NKAIN2: variants seen among roughly 807,000 people sequenced by gnomAD.
The protein encoded by NKAIN2 is sodium/potassium-transporting ATPase subunit beta-1-interacting protein 2.
In NKAIN2, 14 loss-of-function variants were observed where a neutral mutation model predicts 32.6. That is an observed-to-expected ratio of 0.43 (90% CI 0.28 to 0.67). The LOEUF (loss-of-function observed/expected upper bound fraction) is 0.67, where lower values mean the gene tolerates loss of function less well. NKAIN2 is among the 30% of genes least tolerant of loss of function. NKAIN2 has a pLI of 0.17. For synonymous variants in NKAIN2, 80 were observed against 87.2 expected, an observed-to-expected ratio of 0.92 and a Z score of 0.46; for missense variants, 198 against 258.3, an observed-to-expected ratio of 0.77 and a Z score of 1.60.
At chr6:123,908,133 C>A (rs999888649) in intron 1 of NKAIN2, among the ~76,000 whole-genome samples, 34 of 152,218 alleles carry the variant, frequency 2.2e-4, no homozygotes, top group African/African-American at 7.9e-4. Flanking sequence ...CAGGTAATTG[C>A]AACTTCATAA....
intron 1 of NKAIN2, among the ~76,000 whole-genome samples, chr6:123,899,761 T>C (rs1478130127): frequency 2.0e-5 from 3 of 152,200 alleles, no homozygotes; most frequent in Non-Finnish European, 4.4e-5. Flanking sequence ...TTGTGACTTG[T>C]GTGTCTTTAC....
At chr6:124,814,391 A>G (rs930259434) in intron 5 of NKAIN2, among the ~76,000 whole-genome samples, 3 of 152,168 alleles carry the variant, frequency 2.0e-5, no homozygotes, top group Non-Finnish European at 2.9e-5. Context: ...ATGCCCCCTC[A>G]TGAGTGAAAT....
chr6:124,560,843 G>C (rs1461267878), intron 3 of NKAIN2, among the ~76,000 whole-genome samples: 1 of 152,140 alleles, frequency 6.6e-6, no homozygotes, highest in Non-Finnish European at 1.5e-5. Context: ...AAATGACCAA[G>C]AGTGAGTTTA....
At chr6:124,475,440 A>G (rs1406251511) in intron 3 of NKAIN2, among the ~76,000 whole-genome samples, 1 of 152,172 alleles carries the variant, frequency 6.6e-6, no homozygotes, top group Non-Finnish European at 1.5e-5. Flanking sequence ...AAACCCAAAG[A>G]TGGAAAATGT....
rs554163963 is a variant in NKAIN2 at position 123,874,760 on chromosome 6, A to G, written c.54+70506A>G. 5.3e-5 allele frequency among the ~76,000 whole-genome samples: 8 copies of G among 152,170 alleles called. No individual in the cohort carries two copies. The East Asian group carries it at 1.5e-3, about 29-fold the overall frequency. ...TTCTTCTGATTATAAAAATATGTCT[A>G]TTGTAGAAAATTGAAAAAATTATAA... On this transcript the variant is annotated intron_variant, in intron 1 of 6. Transcript: ENST00000368417.
chr6:124,596,960 G>A (rs1171136452), intron 3 of NKAIN2, among the ~76,000 whole-genome samples: 3 of 152,076 alleles, frequency 2.0e-5, no homozygotes, highest in South Asian at 2.1e-4. Context: ...GGAGAAGACC[G>A]ATGTCCCAAC....
intron 4 of NKAIN2, among the ~76,000 whole-genome samples, chr6:124,667,327 G>T (rs1489365311): frequency 1.3e-5 from 2 of 151,654 alleles, no homozygotes; most frequent in Non-Finnish European, 3.0e-5. Flanking sequence ...AGATTTAAAA[G>T]TTGAAATTGT....
In NKAIN2 at chr6:124,771,660, C is replaced by T. The variant is rs147287570; in HGVS notation, c.475-19679C>T. Reference sequence around the variant, plus strand: ...GTATTAACAGAGATTAAATAAATGGCAGAATTATGAGTTATTTCTCTTTTT... The same window carrying T: ...GTATTAACAGAGATTAAATAAATGGTAGAATTATGAGTTATTTCTCTTTTT... On this transcript the variant is annotated intron_variant, in intron 4 of 6. Coordinates refer to ENST00000368417, the MANE Select transcript of NKAIN2 (RefSeq NM_001040214.3). Among the ~76,000 whole-genome samples, 21 of 152,246 alleles carry T rather than the reference C, an allele frequency of 1.4e-4. No homozygotes were observed. In the East Asian group the frequency reaches 3.7e-3, roughly 27 times the overall value.
chr6:124,379,031 G>A (rs1800110475), intron 3 of NKAIN2, among the ~76,000 whole-genome samples: 1 of 147,150 alleles, frequency 6.8e-6, no homozygotes, highest in African/African-American at 2.5e-5. Flanking sequence ...GTTTGAGGTT[G>A]CAGTGAGCCA....
chr6:124,446,067 T>C (rs1775879971), intron 3 of NKAIN2, among the ~76,000 whole-genome samples: 1 of 152,264 alleles, frequency 6.6e-6, no homozygotes, highest in Middle Eastern at 3.4e-3. Flanking sequence ...ACATTGGTCT[T>C]GTTGGCTGTC....
chr6:123,988,725 G>GA (rs1447053365), intron 1 of NKAIN2, among the ~76,000 whole-genome samples: 1 of 152,180 alleles, frequency 6.6e-6, no homozygotes, highest in Non-Finnish European at 1.5e-5. Context: ...ATAAATGGAT[G>GA]AATTCTTGGT....
chr6:124,620,670 G>A lies in NKAIN2; in HGVS notation c.274-37516G>A, dbSNP rs141995178. ...TTAGGGTTTAAAGATTACACTGTCC[G>A]TTGGCCTGTCTCATATGGAACACTA... On this transcript the variant is annotated intron_variant, in intron 3 of 6. Transcript: ENST00000368417. 3.8e-3 allele frequency among the ~76,000 whole-genome samples: 579 copies of A among 152,272 alleles called. 4 individuals carry two copies. The highest frequency in any genetic ancestry group is 0.013 in the African/African-American group (553 of 41,546).
intron 1 of NKAIN2, among the ~76,000 whole-genome samples, chr6:124,142,670 G>T (rs564363931): frequency 6.6e-6 from 1 of 151,932 alleles, no homozygotes; most frequent in Non-Finnish European, 1.5e-5. Flanking sequence ...TAGATTTTAC[G>T]GTCCATATTT....
chr6:124,595,811 G>T (rs1393394529), intron 3 of NKAIN2, among the ~76,000 whole-genome samples: 7 of 152,152 alleles, frequency 4.6e-5, no homozygotes, highest in Non-Finnish European at 2.9e-5. Context: ...CATACTTTAA[G>T]AATGAAGATG....
At chr6:124,334,711 G>C (rs933596674) in intron 2 of NKAIN2, among the ~76,000 whole-genome samples, 5 of 137,056 alleles carry the variant, frequency 3.6e-5, no homozygotes, top group South Asian at 5.0e-4. Flanking sequence ...GTGATCTTGC[G>C]GCATCTAGCT....
chr6:124,160,395 T>G (rs115284465), intron 1 of NKAIN2, among the ~76,000 whole-genome samples: 508 of 152,270 alleles, frequency 3.3e-3, no homozygotes, highest in African/African-American at 0.011. Flanking sequence ...GTATTCAGGT[T>G]TTCCTTGAAA....
chr6:124,671,603 G>C (rs1773102312), intron 4 of NKAIN2, among the ~76,000 whole-genome samples: 1 of 151,926 alleles, frequency 6.6e-6, no homozygotes. Flanking sequence ...TGAACCTTCA[G>C]CTCTTATTCT....
chr6:124,388,076 T>C (rs1772987140), intron 3 of NKAIN2, among the ~76,000 whole-genome samples: 2 of 152,026 alleles, frequency 1.3e-5, no homozygotes, highest in African/African-American at 4.8e-5. Flanking sequence ...AACACAAAAT[T>C]ATCTAGCCCG....
At chr6:124,516,517 T>C (rs984510062) in intron 3 of NKAIN2, among the ~76,000 whole-genome samples, 9 of 152,308 alleles carry the variant, frequency 5.9e-5, no homozygotes, top group African/African-American at 1.7e-4. Context: ...AGGATATTCA[T>C]GTTTGTTCAT....
Sources: gnomAD v4.1 joint callset for allele counts (sites outside exome capture counted in the v4.1 genomes callset) on GRCh38, gnomAD v4.1.1 for gene constraint, MANE v1.5 for transcripts, NCBI Gene and HGNC (gene_info 2026-07-23, HGNC 2026-07-21) for gene names.